ZBBX: variants seen among roughly 807,000 people sequenced by gnomAD.
The protein encoded by ZBBX is zinc finger B-box domain-containing protein 1.
ZBBX carries 101 observed loss-of-function variants against 108.5 expected under a neutral mutation model. The observed-to-expected ratio is 0.93, with a 90% CI of 0.79 to 1.10. ZBBX has a LOEUF of 1.10. ZBBX is among the 50% of genes least tolerant of loss of function. ZBBX has a pLI of 0.00. For synonymous variants in ZBBX, 356 were observed against 323.4 expected (o/e 1.10, Z -1.08); for missense variants, 1,009 against 941.4 (o/e 1.07, Z -0.94).
At chr3:167,354,672 T>C (rs1041755998) in intron 8 of ZBBX, among the ~76,000 whole-genome samples, 1 of 151,930 alleles carries the variant, frequency 6.6e-6, no homozygotes, top group Non-Finnish European at 1.5e-5. Context: ...TATATTAATA[T>C]GGATTTCAAA....
intron 8 of ZBBX, among the ~76,000 whole-genome samples, chr3:167,358,348 A>G (rs1207490141): frequency 6.6e-6 from 1 of 152,046 alleles, no homozygotes; most frequent in Non-Finnish European, 1.5e-5. Flanking sequence ...GACGGAAAGT[A>G]AAATACTATT....
upstream of ZBBX, among the ~76,000 whole-genome samples, chr3:167,382,917 T>G (rs754252746): frequency 2.0e-5 from 3 of 152,112 alleles, no homozygotes; most frequent in Non-Finnish European, 4.4e-5. Flanking sequence ...CTATACAACT[T>G]TAACCAGTTT....
intron 1 of ZBBX, among the ~76,000 whole-genome samples, chr3:167,396,810 T>C (rs538310618): frequency 1.3e-5 from 2 of 152,000 alleles, no homozygotes; most frequent in South Asian, 4.2e-4. Flanking sequence ...AAGACAGAGA[T>C]AGGGAAAAAT....
chr3:167,291,422 T>C (rs1438891076), intron 18 of ZBBX, among the ~76,000 whole-genome samples: 2 of 151,970 alleles, frequency 1.3e-5, no homozygotes, highest in East Asian at 3.9e-4. Context: ...AAGAAAAGAA[T>C]TTTCAACCCA....
intron 9 of ZBBX, among the ~76,000 whole-genome samples, chr3:167,337,565 T>C (rs1480242374): frequency 1.3e-5 from 2 of 152,118 alleles, no homozygotes; most frequent in African/African-American, 4.8e-5. Flanking sequence ...AGATCAGTAG[T>C]CAATCTAAAT....
At chr3:167,347,906 A>G (rs1429423114) in intron 9 of ZBBX, among the ~76,000 whole-genome samples, 1 of 152,072 alleles carries the variant, frequency 6.6e-6, no homozygotes, top group African/African-American at 2.4e-5. Context: ...TTAAATTTAT[A>G]TACATAAAAG....
chr3:167,331,756 A>T (rs934016377), intron 10 of ZBBX: 1 of 283,456 alleles, frequency 3.5e-6, no homozygotes, highest in South Asian at 1.4e-4. Context: ...TAAGCACATG[A>T]TATCCCTGTA....
At chr3:167,267,469 A>G (rs902483629) in intron 20 of ZBBX, among the ~76,000 whole-genome samples, 5 of 152,238 alleles carry the variant, frequency 3.3e-5, no homozygotes, top group Non-Finnish European at 5.9e-5. Flanking sequence ...AAGGATAAAG[A>G]TAGCAATAAA....
In ZBBX at chr3:167,405,759, T is replaced by C. The variant is rs148541282; in HGVS notation, c.-446+1967A>G. Among the ~76,000 whole-genome samples, 1,045 of 152,210 alleles carry C rather than the reference T, an allele frequency of 6.9e-3. 8 individuals are homozygous for C. The highest frequency in any genetic ancestry group is 0.024 in the South Asian group (114 of 4,816). On this transcript the variant is annotated intron_variant, in intron 1 of 21. Transcript: ENST00000455345. ...TGCTTGAGTTGTAAGAAAGAAGCAA[T>C]AGGTACTCTCTTCAGCTTAAGAAAC...
intron 20 of ZBBX, among the ~76,000 whole-genome samples, chr3:167,257,847 T>A (rs991045059): frequency 2.2e-4 from 30 of 137,862 alleles, no homozygotes; most frequent in African/African-American, 9.8e-4. Context: ...TTTGAAGGGA[T>A]TTTTTTCTTT....
chr3:167,317,601 C>A lies in ZBBX; in HGVS notation c.984-4G>T, dbSNP rs772709117. ...AAAAAGTTGCTCTTGTGGAGTTCTA[C>A]AAAATAAGAAAGAAGCAATTAAGAG... On this transcript the variant is annotated splice_region_variant and splice_polypyrimidine_tract_variant and intron_variant, in intron 12 of 21. Coordinates refer to ENST00000675490, the MANE Select transcript of ZBBX (RefSeq NM_001199201.2). 32 of 1,593,312 alleles carry A rather than the reference C, an allele frequency of 2.0e-5. No individual in the cohort carries two copies. The highest frequency in any genetic ancestry group is 2.7e-5 in the Non-Finnish European group (31 of 1,168,754).
At chr3:167,346,805 T>G (rs1741537042) in intron 9 of ZBBX, among the ~76,000 whole-genome samples, 1 of 151,626 alleles carries the variant, frequency 6.6e-6, no homozygotes, top group African/African-American at 2.4e-5. Context: ...AACAAAAACT[T>G]TATGCATAGG....
At chr3:167,281,315 A>G (rs1045655162) in intron 20 of ZBBX, among the ~76,000 whole-genome samples, 3 of 152,206 alleles carry the variant, frequency 2.0e-5, no homozygotes, top group Admixed American at 6.5e-5. Context: ...TGGTTATTTT[A>G]AGAGTAGTTA....
intron 7 of ZBBX, 145 bp from the exon 8 acceptor site, chr3:167,360,124 A>G (rs1445822586): frequency 4.5e-6 from 1 of 222,062 alleles, no homozygotes; most frequent in Non-Finnish European, 8.4e-6. Flanking sequence ...TTATAATTAT[A>G]TATATTCATA....
intron 1 of ZBBX, among the ~76,000 whole-genome samples, chr3:167,405,146 T>G (rs1428963727): frequency 6.6e-6 from 1 of 152,206 alleles, no homozygotes; most frequent in Non-Finnish European, 1.5e-5. Flanking sequence ...TGGACACTTT[T>G]GAAATGTCTG....
At chr3:167,221,919 G>A in the ZBBX span, among the ~76,000 whole-genome samples, 110,178 of 151,798 alleles carry the variant, frequency 0.73, 40,133 homozygotes, top group East Asian at 0.83. Flanking sequence ...CAATAACAAA[G>A]GCTGGTGGGG....
intron 6 of ZBBX, among the ~76,000 whole-genome samples, chr3:167,365,349 A>G (rs1175670468): frequency 6.6e-6 from 1 of 151,812 alleles, no homozygotes; most frequent in Non-Finnish European, 1.5e-5. Context: ...TCTGATTTTC[A>G]TCTTAAATAT....
At chr3:167,211,358 C>G in the ZBBX span, among the ~76,000 whole-genome samples, 2 of 152,196 alleles carry the variant, frequency 1.3e-5, no homozygotes, top group African/African-American at 2.4e-5. Context: ...TGTGGAGATT[C>G]TGGAGACAGA....
intron 16 of ZBBX, among the ~76,000 whole-genome samples, chr3:167,306,664 T>G (rs1185101062): frequency 6.6e-6 from 1 of 152,172 alleles, no homozygotes; most frequent in Non-Finnish European, 1.5e-5. Context: ...GAACTTCCCC[T>G]TGCTAAGTTG....
Sources: allele counts gnomAD v4.1 joint callset (sites outside exome capture counted in the v4.1 genomes callset), GRCh38; gene constraint gnomAD v4.1.1; transcripts MANE v1.5; gene names NCBI Gene and HGNC (gene_info 2026-07-23, HGNC 2026-07-21).